The following CA8 variants were observed in gnomAD, a reference collection of about 807,000 sequenced individuals.
CA8 encodes the protein carbonic anhydrase-related protein.
Under a neutral mutation model 41.4 loss-of-function variants are expected in CA8, and 22 were observed. The observed-to-expected ratio is 0.53, with a 90% CI of 0.38 to 0.76. The LOEUF (loss-of-function observed/expected upper bound fraction) is 0.76, where lower values mean the gene tolerates loss of function less well. Ranked by LOEUF, CA8 falls within the 30% of genes least tolerant of loss-of-function variation. The pLI is 0.00. For synonymous variants in CA8, 121 were observed against 130.6 expected, an observed-to-expected ratio of 0.93 and a Z score of 0.50; for missense variants, 270 against 352.8, an observed-to-expected ratio of 0.77 and a Z score of 1.88.
At chr8:60,230,587 C>G (rs1303515187) in intron 4 of CA8, among the ~76,000 whole-genome samples, 1 of 151,870 alleles carries the variant, frequency 6.6e-6, no homozygotes, top group South Asian at 2.1e-4. Context: ...CTCCCTTCCC[C>G]TCTCCTTCCC....
intron 7 of CA8, among the ~76,000 whole-genome samples, chr8:60,219,703 G>C (rs1226760045): frequency 1.3e-5 from 2 of 152,194 alleles, no homozygotes; most frequent in South Asian, 4.2e-4. Flanking sequence ...AGGGGCAGGA[G>C]TTAAGCACCC....
chr8:60,279,753 C>T lies in CA8; in HGVS notation c.228G>A (p.Val76=), dbSNP rs1365326702. ...LDVRLSPNYV[V]CRDCEVTNDG... ...CATTGGTGACTTCACAGTCTCGGCA[C>T]ACCACATAATTTGGGGAGAGGCGGA... The change falls in exon 2 of 9, where the codon GTG becomes GTA. Residue 76 remains valine (V), a synonymous_variant. Transcript: ENST00000317995. 1 of 1,614,066 alleles carries T rather than the reference C, an allele frequency of 6.2e-7. No homozygotes were observed. Among genetic ancestry groups the T allele is most frequent in the Non-Finnish European group, 8.5e-7 (1 of 1,180,050 alleles).
intron 4 of CA8, among the ~76,000 whole-genome samples, chr8:60,227,796 T>G (rs986519006): frequency 1.1e-4 from 17 of 152,184 alleles, no homozygotes; most frequent in African/African-American, 4.1e-4. Context: ...TTTTATAGCC[T>G]TCTTTTTAAA....
intron 8 of CA8, among the ~76,000 whole-genome samples, chr8:60,206,765 G>T (rs993876059): frequency 1.4e-4 from 22 of 151,948 alleles, no homozygotes. Context: ...CACAGAGAGT[G>T]CCCATCCTCT....
At chr8:60,250,897 C>T (rs2130549590) in intron 3 of CA8, among the ~76,000 whole-genome samples, 1 of 152,234 alleles carries the variant, frequency 6.6e-6, no homozygotes, top group African/African-American at 2.4e-5. Context: ...CCCAACCTAC[C>T]ATTCTAAATT....
Position 60,208,751 on chromosome 8 carries a change from C to G in CA8, c.*34G>C, listed in dbSNP as rs1355326572. The G allele has an allele frequency of 6.2e-7, 1 of 1,613,800 alleles. No individual in the cohort carries two copies. Among genetic ancestry groups the G allele is most frequent in the Admixed American group, 1.7e-5 (1 of 60,026 alleles). On this transcript the variant is annotated splice_region_variant and 3_prime_UTR_variant, in exon 8 of 9. Transcript: ENST00000317995. ...TTTCCTTACTTAATCTGGACATACC[C>G]TCATGAAGACAGACTTGTTCCTGTC... is the stretch of plus-strand genomic sequence containing the variant.
At chr8:60,227,858 C>CA (rs1014290730) in intron 4 of CA8, among the ~76,000 whole-genome samples, 19 of 152,076 alleles carry the variant, frequency 1.2e-4, no homozygotes, top group Admixed American at 3.9e-4. Context: ...AAAATGGAGA[C>CA]AAAAAAATTC....
intron 3 of CA8, among the ~76,000 whole-genome samples, chr8:60,250,747 A>T (rs1173067560): frequency 6.6e-6 from 1 of 152,224 alleles, no homozygotes; most frequent in Non-Finnish European, 1.5e-5. Context: ...TACACAGAAG[A>T]CATTCAATAA....
intron 8 of CA8, chr8:60,208,421 G>A (rs2130422530): frequency 3.2e-6 from 1 of 315,976 alleles, no homozygotes; most frequent in Non-Finnish European, 6.1e-6. Flanking sequence ...CTGCTTCACG[G>A]GGACAACATG....
chr8:60,220,228 A>G (rs1807197969), intron 7 of CA8, among the ~76,000 whole-genome samples: 1 of 152,200 alleles, frequency 6.6e-6, no homozygotes, highest in African/African-American at 2.4e-5. Flanking sequence ...TAGATGGGCT[A>G]AGGTGTTTAC....
At chr8:60,266,536 G>T (rs1408498890) in intron 2 of CA8, among the ~76,000 whole-genome samples, 1 of 152,140 alleles carries the variant, frequency 6.6e-6, no homozygotes, top group African/African-American at 2.4e-5. Flanking sequence ...CCATGAAGAG[G>T]ATTGATTAGC....
At chr8:60,280,339 G>A (rs961114981) in intron 1 of CA8, among the ~76,000 whole-genome samples, 7 of 152,142 alleles carry the variant, frequency 4.6e-5, no homozygotes, top group Admixed American at 2.6e-4. Flanking sequence ...GTATTTTAAA[G>A]TGTGCATATG....
At chr8:60,262,332 T>C (rs1472008528) in intron 3 of CA8, among the ~76,000 whole-genome samples, 4 of 83,048 alleles carry the variant, frequency 4.8e-5, no homozygotes, top group African/African-American at 2.4e-4. Context: ...GTTAGCAAAA[T>C]GGCAAAAAAA....
chr8:60,217,186 G>GA (rs113777636), intron 7 of CA8, among the ~76,000 whole-genome samples: 4,048 of 151,506 alleles, frequency 0.027, 196 homozygotes, highest in African/African-American at 0.092. Flanking sequence ...GCCTGGCCAA[G>GA]AAAAAAAAAG....
In CA8 at chr8:60,188,453, C is replaced by T. The variant is rs1806022334; in HGVS notation, c.*1568G>A. The T allele has an allele frequency of 6.6e-6, 1 of 152,148 alleles. No homozygotes were observed. Among genetic ancestry groups the T allele is most frequent in the African/African-American group, 2.4e-5 (1 of 41,422 alleles). The allele number at this position is 152,148 out of a possible 1,614,324, so 9.4% of individuals were successfully genotyped here. ...ATTTATGGAAGGCTTCAGATCTAGT[C>T]TTTTGATGTTAATTACAAATAAGGC... is the stretch of plus-strand genomic sequence containing the variant. On this transcript the variant is annotated 3_prime_UTR_variant, in exon 9 of 9. Transcript: ENST00000317995.
Position 60,226,557 on chromosome 8 carries a change from G to C in CA8, c.576+316C>G, listed in dbSNP as rs1807445547. On this transcript the variant is annotated intron_variant, in intron 5 of 8. Coordinates refer to ENST00000317995, the MANE Select transcript of CA8 (RefSeq NM_004056.6). ...AATAAATCTCTGGACACTAAGGCTA[G>C]AGTGAGCTTCCGTAGTTGTCAACAC... Among the ~76,000 whole-genome samples, 3 of 152,158 alleles carry C rather than the reference G, an allele frequency of 2.0e-5. No homozygotes were observed. In the South Asian group the frequency reaches 6.2e-4, roughly 32 times the overall value.
chr8:60,190,446 T>C (rs1483653398), intron 8 of CA8, among the ~76,000 whole-genome samples: 1 of 120,168 alleles, frequency 8.3e-6, no homozygotes, highest in Non-Finnish European at 1.7e-5. Context: ...TATATATATA[T>C]ATATATATAT....
At chr8:60,232,994 G>A (rs1382514765) in intron 3 of CA8, among the ~76,000 whole-genome samples, 1 of 152,166 alleles carries the variant, frequency 6.6e-6, no homozygotes, top group Non-Finnish European at 1.5e-5. Flanking sequence ...GACAAACAAT[G>A]CTCAGAGGCC....
intron 7 of CA8, among the ~76,000 whole-genome samples, chr8:60,213,912 A>G (rs1322036230): frequency 2.0e-5 from 3 of 152,134 alleles, no homozygotes; most frequent in Non-Finnish European, 4.4e-5. Flanking sequence ...TCTCAATTAC[A>G]TGTAAAGACG....
Sources: gnomAD v4.1 joint callset for allele counts (sites outside exome capture counted in the v4.1 genomes callset) on GRCh38, gnomAD v4.1.1 for gene constraint, MANE v1.5 for transcripts, NCBI Gene and HGNC (gene_info 2026-07-23, HGNC 2026-07-21) for gene names.